ARHGEF38: variants seen among roughly 807,000 people sequenced by gnomAD.
ARHGEF38 encodes Rho guanine nucleotide exchange factor 38.
In ARHGEF38, 79 loss-of-function variants were observed where a neutral mutation model predicts 79.9. The ratio of observed to expected loss-of-function variants is 0.99; its 90% confidence interval spans 0.82 to 1.19. The LOEUF (loss-of-function observed/expected upper bound fraction) is 1.19. ARHGEF38 is among the 50% of genes most tolerant of loss of function. ARHGEF38 has a pLI of 0.00. For missense variants in ARHGEF38, 962 were observed against 907.2 expected (o/e 1.06, Z -0.78); for synonymous variants, 366 against 328.3 (o/e 1.11, Z -1.24).
At chr4:105,681,719 G>A (rs909541183), downstream of ARHGEF38, among the ~76,000 whole-genome samples, 1 of 152,054 alleles carries the variant, frequency 6.6e-6, no homozygotes, top group Non-Finnish European at 1.5e-5. Flanking sequence ...ACTGTTCAAG[G>A]TCATCATCAG....
chr4:105,654,750 G>C (rs1474339973), intron 8 of ARHGEF38, among the ~76,000 whole-genome samples: 2 of 152,172 alleles, frequency 1.3e-5, no homozygotes, highest in Non-Finnish European at 2.9e-5. Context: ...AGAAAAACCA[G>C]TCAGAGGTTT....
intron 10 of ARHGEF38, among the ~76,000 whole-genome samples, chr4:105,661,139 A>G (rs1730546325): frequency 6.6e-6 from 1 of 151,698 alleles, no homozygotes; most frequent in African/African-American, 2.4e-5. Flanking sequence ...GGGTTTCTTC[A>G]TGCCTAGCAT....
chr4:105,581,197 C>A (rs1726775928), intron 1 of ARHGEF38, among the ~76,000 whole-genome samples: 1 of 151,678 alleles, frequency 6.6e-6, no homozygotes, highest in Non-Finnish European at 1.5e-5. Flanking sequence ...TCTGTCCCCT[C>A]TCAATGCCTT....
At chr4:105,681,221 T>C (rs1731299831), downstream of ARHGEF38, among the ~76,000 whole-genome samples, 1 of 152,056 alleles carries the variant, frequency 6.6e-6, no homozygotes, top group Non-Finnish European at 1.5e-5. Context: ...CAATCCTGGA[T>C]TCTAATTTAC....
At chr4:105,628,011 A>C (rs1729021811) in intron 3 of ARHGEF38, among the ~76,000 whole-genome samples, 1 of 146,582 alleles carries the variant, frequency 6.8e-6, no homozygotes, top group Non-Finnish European at 1.5e-5. Flanking sequence ...GCCTCAACAG[A>C]ATTTTACTTG....
chr4:105,566,706 C>A (rs1344995158), intron 1 of ARHGEF38, among the ~76,000 whole-genome samples: 1 of 151,022 alleles, frequency 6.6e-6, no homozygotes, highest in Non-Finnish European at 1.5e-5. Flanking sequence ...TCCCCCTTTC[C>A]TCCACTACAT....
intron 9 of ARHGEF38, among the ~76,000 whole-genome samples, chr4:105,657,701 G>T (rs1730395824): frequency 6.6e-6 from 1 of 151,970 alleles, no homozygotes; most frequent in East Asian, 1.9e-4. Flanking sequence ...GTTTATCAAG[G>T]GACTCATTAA....
chr4:105,609,335 T>A (rs1235344252), intron 2 of ARHGEF38, among the ~76,000 whole-genome samples: 1 of 152,072 alleles, frequency 6.6e-6, no homozygotes, highest in Non-Finnish European at 1.5e-5. Flanking sequence ...GGCTCTCTAT[T>A]CTGTTGCATT....
rs566928042 is a variant in ARHGEF38, at chr4:105,645,626, T to C, written c.874+239T>C. 5.3e-4 allele frequency among the ~76,000 whole-genome samples: 80 copies of C among 152,296 alleles called. 1 individual carries two copies. The highest frequency in any genetic ancestry group is 9.0e-4 in the Non-Finnish European group (61 of 68,018). ...TCAAGCAGCCATATGCTCAACTTCA[T>C]TGGACCACTGCAATCCTGGTGACAT... On this transcript the variant is annotated intron_variant, in intron 6 of 13. Coordinates refer to ENST00000420470, the MANE Select transcript of ARHGEF38 (RefSeq NM_001242729.2).
Position 105,667,514 on chromosome 4 carries a change from T to A in ARHGEF38, c.1959T>A (p.Ala653=). 1 of 1,536,504 alleles carries A rather than the reference T, an allele frequency of 6.5e-7. No homozygotes were observed. Among genetic ancestry groups the A allele is most frequent in the Non-Finnish European group, 8.7e-7 (1 of 1,146,976 alleles). Residue 653 remains alanine, a synonymous_variant, in exon 13 of 14, where the codon GCT becomes GCA. Coordinates refer to ENST00000420470, the MANE Select transcript of ARHGEF38 (RefSeq NM_001242729.2). The part of the protein sequence containing the change: ...YNPAKMQKVD[A]ENRFCDDDFE... ...CAGCAAAAATGCAGAAAGTGGATGC[T>A]GAGAACAGGTTCTGTGACGATGATT...
chr4:105,617,153 T>G (rs1024305409), intron 3 of ARHGEF38, among the ~76,000 whole-genome samples: 10 of 152,202 alleles, frequency 6.6e-5, no homozygotes, highest in African/African-American at 1.9e-4. Flanking sequence ...AAAGAAAAGC[T>G]TTTAGAAGTT....
chr4:105,670,566 C>T (rs1333695203), intron 13 of ARHGEF38, among the ~76,000 whole-genome samples: 1 of 151,796 alleles, frequency 6.6e-6, no homozygotes, highest in African/African-American at 2.4e-5. Context: ...ATATAATTTG[C>T]AAATATTTTC....
intron 7 of ARHGEF38, among the ~76,000 whole-genome samples, chr4:105,652,211 T>G (rs1338032329): frequency 1.3e-5 from 2 of 152,170 alleles, no homozygotes; most frequent in Non-Finnish European, 2.9e-5. Context: ...TGTTTCTTTA[T>G]CTCTAAAATG....
chr4:105,623,130 G>A (rs1013700030), intron 3 of ARHGEF38, among the ~76,000 whole-genome samples: 1 of 152,214 alleles, frequency 6.6e-6, no homozygotes, highest in African/African-American at 2.4e-5. Context: ...TACGCTCCAT[G>A]AGGGAAGGAA....
At chr4:105,677,663 C>T (rs1248177642) in intron 13 of ARHGEF38, 89 bp from the exon 14 acceptor site, 8 of 1,210,680 alleles carry the variant, frequency 6.6e-6, no homozygotes, top group Non-Finnish European at 8.7e-6. Flanking sequence ...AAAACTTTAG[C>T]ATTGCTTCTA....
intron 4 of ARHGEF38, among the ~76,000 whole-genome samples, chr4:105,631,868 C>T (rs911060482): frequency 2.0e-5 from 3 of 152,286 alleles, no homozygotes; most frequent in Non-Finnish European, 4.4e-5. Context: ...GGCTCTCTTA[C>T]AGACTCTCAC....
chr4:105,641,712 T>C (rs1230727792), intron 5 of ARHGEF38, among the ~76,000 whole-genome samples: 1 of 146,170 alleles, frequency 6.8e-6, no homozygotes, highest in African/African-American at 2.7e-5. Flanking sequence ...ATGCGCTGCA[T>C]GTTGAATATC....
chr4:105,593,614 T>A (rs937974035), intron 2 of ARHGEF38, among the ~76,000 whole-genome samples: 7 of 152,210 alleles, frequency 4.6e-5, no homozygotes, highest in African/African-American at 1.7e-4. Context: ...TTAGTCCACA[T>A]TTGTATCAAA....
At chr4:105,656,119 A>G (rs191920073) in intron 9 of ARHGEF38, among the ~76,000 whole-genome samples, 1 of 152,186 alleles carries the variant, frequency 6.6e-6, no homozygotes, top group Admixed American at 6.5e-5. Flanking sequence ...CAGTGGAACA[A>G]TCTCAGCTCA....
Sources: allele counts gnomAD v4.1 joint callset (sites outside exome capture counted in the v4.1 genomes callset), GRCh38; gene constraint gnomAD v4.1.1; transcripts MANE v1.5; gene names NCBI Gene and HGNC (gene_info 2026-07-23, HGNC 2026-07-21).